VAV2: variants seen among roughly 807,000 people sequenced by gnomAD.
VAV2 encodes the protein guanine nucleotide exchange factor VAV2.
A neutral mutation model predicts 132.5 loss-of-function variants in VAV2; 67 were observed. The ratio of observed to expected loss-of-function variants is 0.51; its 90% CI spans 0.42 to 0.62. The LOEUF is 0.62. Ranked by LOEUF, VAV2 falls within the 20% of genes least tolerant of loss-of-function variation. The pLI is 0.00. For missense variants in VAV2, 938 were observed against 1,153.6 expected (o/e 0.81, Z 2.71); for synonymous variants, 492 against 443.5 (o/e 1.11, Z -1.37).
chr9:133,856,648 G>C (rs1251720655), intron 3 of VAV2, among the ~76,000 whole-genome samples: 1 of 152,216 alleles, frequency 6.6e-6, no homozygotes, highest in Non-Finnish European at 1.5e-5. Flanking sequence ...TACAGTTCAG[G>C]GGGTCAGAAG....
chr9:133,843,407 A>T (rs1411816479), intron 3 of VAV2, among the ~76,000 whole-genome samples: 1 of 152,120 alleles, frequency 6.6e-6, no homozygotes, highest in East Asian at 1.9e-4. Flanking sequence ...GGGTCTTGCT[A>T]TACTGTCCAG....
intron 1 of VAV2, among the ~76,000 whole-genome samples, chr9:133,967,454 A>G (rs1296005994): frequency 6.6e-6 from 1 of 152,236 alleles, no homozygotes; most frequent in African/African-American, 2.4e-5. Flanking sequence ...CTGCACTCCC[A>G]CCTTTACCGT....
chr9:133,802,600 T>C lies in VAV2; in HGVS notation c.836+3481A>G, dbSNP rs982029610. ...GGTATGTGGTTCCCTTGCTCGTGAG[T>C]TGACAGACCCGTGGCCCGAGCTCCG... On this transcript the variant is annotated intron_variant, in intron 9 of 29. Transcript: ENST00000371850. This position sits in a 1 kb window ranked among gnomAD's most constrained non-coding sequence, Gnocchi z 5.8. 6.6e-6 allele frequency among the ~76,000 whole-genome samples: 1 copy of C among 152,164 alleles called. No homozygotes were observed. Among genetic ancestry groups the C allele is most frequent in the East Asian group, 1.9e-4 (1 of 5,194 alleles).
chr9:133,943,107 G>A (rs904055088), intron 1 of VAV2, among the ~76,000 whole-genome samples: 6 of 151,726 alleles, frequency 4.0e-5, no homozygotes, highest in African/African-American at 1.2e-4. Flanking sequence ...TGTCGACATC[G>A]GCCAGGGCAA....
At chr9:133,784,958 G>A (rs747603280) in intron 17 of VAV2, among the ~76,000 whole-genome samples, 2 of 152,096 alleles carry the variant, frequency 1.3e-5, no homozygotes, top group African/African-American at 2.4e-5. Context: ...TTCCATGAAC[G>A]CTTGAACTTT....
chr9:133,965,386 C>G (rs144335781), intron 1 of VAV2, among the ~76,000 whole-genome samples: 1 of 150,758 alleles, frequency 6.6e-6, no homozygotes, highest in Non-Finnish European at 1.5e-5. Flanking sequence ...ATAGTCCCAG[C>G]TACTAGGGAG....
intron 3 of VAV2, among the ~76,000 whole-genome samples, chr9:133,854,912 G>C (rs1837328566): frequency 6.6e-6 from 1 of 152,202 alleles, no homozygotes; most frequent in East Asian, 1.9e-4. Flanking sequence ...CACCAGGTGG[G>C]ACAATTAAAC....
rs895747557 is a variant in VAV2, at chr9:133,834,773, G to C, written c.381-433C>G. The stretch of plus-strand genomic sequence containing the variant: ...AGGGCTGCCAGCTCAGTCCACGCAG[G>C]AGAGGAAGCAGGAGGGGACTCCGGA... On this transcript the variant is annotated intron_variant, in intron 3 of 29. Coordinates refer to ENST00000371850, the MANE Select transcript of VAV2 (RefSeq NM_001134398.2). This position sits in a 1 kb window ranked among gnomAD's most constrained non-coding sequence, Gnocchi z 5.9. Among the ~76,000 whole-genome samples the C allele has an allele frequency of 3.3e-5, 5 of 152,218 alleles. No homozygotes were observed. Among genetic ancestry groups the C allele is most frequent in the Admixed American group, 6.5e-5 (1 of 15,284 alleles).
At chr9:133,900,091 C>T (rs970339286) in intron 2 of VAV2, among the ~76,000 whole-genome samples, 1 of 151,042 alleles carries the variant, frequency 6.6e-6, no homozygotes, top group Non-Finnish European at 1.5e-5. Context: ...CCCAGCTACT[C>T]GGGAGGCGAA....
At chr9:133,920,566 C>T (rs185690444) in intron 2 of VAV2, among the ~76,000 whole-genome samples, 14 of 152,274 alleles carry the variant, frequency 9.2e-5, no homozygotes, top group Admixed American at 6.5e-4. Context: ...GGAAAAGCGT[C>T]GCTGATACCA....
chr9:133,786,984 A>G (rs117150187), intron 16 of VAV2, among the ~76,000 whole-genome samples: 2,126 of 152,298 alleles, frequency 0.014, 28 homozygotes, highest in Middle Eastern at 0.037. Context: ...AGCTGAAGAG[A>G]GACCAAGAAA....
chr9:133,987,030 A>T (rs891915361), intron 1 of VAV2, among the ~76,000 whole-genome samples: 1 of 148,930 alleles, frequency 6.7e-6, no homozygotes, highest in Admixed American at 6.7e-5. Flanking sequence ...TTATTTATTT[A>T]TTATATATTT....
intron 23 of VAV2, 145 bp from the exon 24 acceptor site, chr9:133,776,225 G>T: frequency 8.4e-7 from 1 of 1,185,026 alleles, no homozygotes; most frequent in Non-Finnish European, 1.1e-6. Context: ...CAGCGCCCCT[G>T]GCCTGGGAGG....
At chr9:133,789,412 GGC>G in intron 13 of VAV2, 69 bp from the exon 14 acceptor site, 5 of 1,509,364 alleles carry the variant, frequency 3.3e-6, no homozygotes, top group African/African-American at 1.4e-5. Context: ...GCACGGGCAG[GGC>G]AGACTGTCGT....
rs578227021 is a variant in VAV2 at position 133,882,684 on chromosome 9, G to T, written c.322-21252C>A. ...GCAGAATAAATCCCCCTTGTTTTGC[G>T]GCACCAGGTCCGTGATACTTGGCTA... On this transcript the variant is annotated intron_variant, in intron 2 of 29. Coordinates refer to ENST00000371850, the MANE Select transcript of VAV2 (RefSeq NM_001134398.2). Among the ~76,000 whole-genome samples, 15 of 152,228 alleles carry T rather than the reference G, an allele frequency of 9.9e-5. No individual in the cohort carries two copies. The South Asian group carries it at 3.1e-3, about 32-fold the overall frequency.
chr9:133,941,269 G>A (rs867642187), intron 1 of VAV2, among the ~76,000 whole-genome samples: 10 of 152,002 alleles, frequency 6.6e-5, no homozygotes, highest in Non-Finnish European at 1.0e-4. Context: ...TTAGCCGGGC[G>A]TGGTGGCGCA....
At chr9:133,972,689 G>A (rs1010885224) in intron 1 of VAV2, among the ~76,000 whole-genome samples, 26 of 152,208 alleles carry the variant, frequency 1.7e-4, no homozygotes, top group African/African-American at 4.1e-4. Flanking sequence ...CGAAGGCAGC[G>A]GAGGCTCTTG....
chr9:133,975,154 G>A (rs547215737), intron 1 of VAV2, among the ~76,000 whole-genome samples: 8 of 152,240 alleles, frequency 5.3e-5, no homozygotes, highest in East Asian at 3.9e-4. Context: ...CTCCTACCCC[G>A]AGGCAGAACC....
intron 1 of VAV2, among the ~76,000 whole-genome samples, chr9:133,960,259 C>A (rs891415998): frequency 1.3e-5 from 2 of 152,202 alleles, no homozygotes; most frequent in Admixed American, 1.3e-4. Flanking sequence ...GGGCGCCCTC[C>A]GGGACCAAGC....
Sources: gnomAD v4.1 joint callset for allele counts (sites outside exome capture counted in the v4.1 genomes callset) on GRCh38, gnomAD v4.1.1 for gene constraint, Gnocchi (gnomAD v3.1) non-coding constraint, MANE v1.5 for transcripts, NCBI Gene and HGNC (gene_info 2026-07-23, HGNC 2026-07-21) for gene names.